GRID1: variants seen among roughly 807,000 people sequenced by gnomAD.
GRID1 encodes glutamate receptor ionotropic, delta-1.
A neutral mutation model predicts 98.0 loss-of-function variants in GRID1; 28 were observed. The ratio of observed to expected loss-of-function variants is 0.29; its 90% CI spans 0.21 to 0.39. The LOEUF (loss-of-function observed/expected upper bound fraction) is 0.39. GRID1 is among the 10% of genes least tolerant of loss of function. GRID1 has a pLI of 1.00. For synonymous variants in GRID1, 553 were observed against 538.5 expected (o/e 1.03, Z -0.37); for missense variants, 1,111 against 1,340.5 (o/e 0.83, Z 2.67).
At chr10:86,015,512 C>T (rs572080640) in intron 4 of GRID1, among the ~76,000 whole-genome samples, 12 of 152,330 alleles carry the variant, frequency 7.9e-5, no homozygotes, top group African/African-American at 2.6e-4. Flanking sequence ...TACAAAAATG[C>T]AAGCACTCTA....
chr10:85,855,965 A>T, intron 7 of GRID1, 64 bp downstream of exon 7: 1 of 1,462,234 alleles, frequency 6.8e-7, no homozygotes, highest in Non-Finnish European at 9.5e-7. Context: ...CTAGAGGGGA[A>T]CACAGTGGAG....
intron 2 of GRID1, among the ~76,000 whole-genome samples, chr10:86,298,409 G>C (rs2132079735): frequency 6.6e-6 from 1 of 152,278 alleles, no homozygotes; most frequent in South Asian, 2.1e-4. Flanking sequence ...TAGCATTTTT[G>C]TGTATTACAT....
intron 8 of GRID1, among the ~76,000 whole-genome samples, chr10:85,843,191 T>C (rs1367196669): frequency 1.3e-5 from 2 of 151,910 alleles, no homozygotes; most frequent in African/African-American, 4.8e-5. Context: ...CAATGGAGGA[T>C]GGACTGTCTT....
chr10:86,152,093 C>G lies in GRID1; in HGVS notation c.521-13069G>C, dbSNP rs117014238. Among the ~76,000 whole-genome samples, 3 of 152,342 alleles carry G rather than the reference C, an allele frequency of 2.0e-5. No individual in the cohort carries two copies. In the East Asian group the frequency reaches 5.8e-4, roughly 29 times the overall value. On this transcript the variant is annotated intron_variant, in intron 3 of 15. Transcript: ENST00000327946. ...GGAGTGCACGAGAAGGGGTTTGTTT[C>G]TCCAGACAGAGGGAAGGTCTCAAGA...
intron 2 of GRID1, among the ~76,000 whole-genome samples, chr10:86,227,230 G>T (rs937311637): frequency 2.6e-5 from 4 of 152,236 alleles, no homozygotes; most frequent in Non-Finnish European, 4.4e-5. Flanking sequence ...GAAGACGAAA[G>T]ACAATGGCAA....
chr10:85,747,749 A>T (rs1842010817), intron 8 of GRID1, among the ~76,000 whole-genome samples: 1 of 152,134 alleles, frequency 6.6e-6, no homozygotes, highest in Admixed American at 6.5e-5. Flanking sequence ...TTTTGAAAGC[A>T]TTTTCTGTTA....
At chr10:85,981,127 G>C (rs1203528408) in intron 4 of GRID1, among the ~76,000 whole-genome samples, 2 of 152,114 alleles carry the variant, frequency 1.3e-5, no homozygotes, top group African/African-American at 2.4e-5. Context: ...TGAGCACAGA[G>C]AGTTGGGAAC....
intron 4 of GRID1, among the ~76,000 whole-genome samples, chr10:85,992,117 G>A (rs1842687522): frequency 6.6e-6 from 1 of 152,120 alleles, no homozygotes; most frequent in African/African-American, 2.4e-5. Context: ...CTTGACTTTG[G>A]AGATGGGAGA....
chr10:85,924,098 G>A (rs1226934585), intron 4 of GRID1, among the ~76,000 whole-genome samples: 1 of 152,094 alleles, frequency 6.6e-6, no homozygotes, highest in Non-Finnish European at 1.5e-5. Flanking sequence ...ACTTCAAAAT[G>A]TGCCTACAGA....
intron 12 of GRID1, among the ~76,000 whole-genome samples, chr10:85,677,315 A>C (rs1329751605): frequency 6.6e-6 from 1 of 152,204 alleles, no homozygotes; most frequent in Non-Finnish European, 1.5e-5. Flanking sequence ...CATGCCTGGC[A>C]CACAGTGGCC....
intron 8 of GRID1, among the ~76,000 whole-genome samples, chr10:85,822,255 A>T (rs1337019749): frequency 6.6e-6 from 1 of 152,240 alleles, no homozygotes; most frequent in African/African-American, 2.4e-5. Flanking sequence ...CAGGCAACCT[A>T]CAGAATGGGA....
At chr10:86,347,350 C>T (rs549854004) in intron 2 of GRID1, among the ~76,000 whole-genome samples, 111 of 152,328 alleles carry the variant, frequency 7.3e-4, no homozygotes, top group African/African-American at 2.5e-3. Context: ...TGACCCCACC[C>T]CCATCTACCG....
At chr10:85,702,809 G>T (rs1234052509) in intron 12 of GRID1, among the ~76,000 whole-genome samples, 1 of 151,288 alleles carries the variant, frequency 6.6e-6, no homozygotes, top group Non-Finnish European at 1.5e-5. Context: ...GAAAAGGAAG[G>T]GGAGGAAAAG....
intron 4 of GRID1, among the ~76,000 whole-genome samples, chr10:86,041,863 G>C (rs1361250893): frequency 6.6e-6 from 1 of 152,132 alleles, no homozygotes; most frequent in African/African-American, 2.4e-5. Context: ...TTTTCACCCA[G>C]GATGTTCACA....
intron 14 of GRID1, 98 bp from the exon 15 acceptor site, chr10:85,613,745 C>T (rs1170372037): frequency 7.2e-7 from 1 of 1,381,456 alleles, no homozygotes; most frequent in African/African-American, 1.4e-5. Flanking sequence ...CCACCACAGA[C>T]AACATTGAGC....
chr10:86,177,760 G>T (rs1297544133), intron 3 of GRID1, among the ~76,000 whole-genome samples: 1 of 152,106 alleles, frequency 6.6e-6, no homozygotes, highest in Non-Finnish European at 1.5e-5. Context: ...GTGCGTGCGT[G>T]TGTGTGCCTG....
intron 8 of GRID1, among the ~76,000 whole-genome samples, chr10:85,852,345 G>A (rs1461871289): frequency 6.6e-6 from 1 of 152,186 alleles, no homozygotes; most frequent in African/African-American, 2.4e-5. Context: ...CTGGCTTCAG[G>A]GTTTTTGAGG....
chr10:85,777,750 G>T (rs1397893362), intron 8 of GRID1, among the ~76,000 whole-genome samples: 5 of 152,146 alleles, frequency 3.3e-5, no homozygotes, highest in Admixed American at 2.6e-4. Flanking sequence ...CCCAGTTTTC[G>T]CAGTGAAAGT....
chr10:85,827,526 A>G (rs1252679587), intron 8 of GRID1, among the ~76,000 whole-genome samples: 5 of 152,216 alleles, frequency 3.3e-5, no homozygotes, highest in Non-Finnish European at 7.3e-5. Flanking sequence ...GGCCAAATCT[A>G]TGACTTGGAG....
Sources: allele counts gnomAD v4.1 joint callset (sites outside exome capture counted in the v4.1 genomes callset), GRCh38; gene constraint gnomAD v4.1.1; transcripts MANE v1.5; gene names NCBI Gene and HGNC (gene_info 2026-07-23, HGNC 2026-07-21).